Variants in RIMS1 observed in about 807,000 individuals in gnomAD.
RIMS1 encodes regulating synaptic membrane exocytosis 1.
A neutral mutation model predicts 214.1 loss-of-function variants in RIMS1; 83 were observed. The observed-to-expected ratio is 0.39, with a 90% CI of 0.32 to 0.47. RIMS1 has a LOEUF of 0.47. Ranked by LOEUF, RIMS1 falls within the 20% of genes least tolerant of loss-of-function variation. RIMS1 has a pLI of 0.99. For synonymous variants in RIMS1, 793 were observed against 786.8 expected, an observed-to-expected ratio of 1.01 and a Z score of -0.13; for missense variants, 2,050 against 2,161.8, an observed-to-expected ratio of 0.95 and a Z score of 1.03.
Position 72,237,927 on chromosome 6 carries a change from A to G in RIMS1, c.1957+5A>G, listed in dbSNP as rs1242399871. Reference sequence around the variant, plus strand: ...TAGTTGGACACCTAAGAGCAGGTAAAGTTTCTTTTTTTAATATTTAAACAG... The same window carrying G: ...TAGTTGGACACCTAAGAGCAGGTAAGGTTTCTTTTTTTAATATTTAAACAG... On this transcript the variant is annotated splice_donor_5th_base_variant and intron_variant, in intron 9 of 33. Transcript: ENST00000521978. 1.3e-6 allele frequency: 2 copies of G among 1,594,144 alleles called. No homozygotes were observed. Among genetic ancestry groups the G allele is most frequent in the Non-Finnish European group, 1.7e-6 (2 of 1,169,944 alleles).
At chr6:72,317,005 T>C in intron 28 of RIMS1, 13 of 426,408 alleles carry the variant, frequency 3.0e-5, no homozygotes, top group South Asian at 5.5e-5. Flanking sequence ...CTGGGAAGCC[T>C]CCCCCTCCAT....
At chr6:71,914,356 A>T (rs1777754428) in intron 1 of RIMS1, among the ~76,000 whole-genome samples, 1 of 152,110 alleles carries the variant, frequency 6.6e-6, no homozygotes, top group South Asian at 2.1e-4. Context: ...CAAAAAATTT[A>T]AGAGTGGATA....
intron 1 of RIMS1, among the ~76,000 whole-genome samples, chr6:71,961,617 T>C (rs760177933): frequency 6.6e-6 from 1 of 152,172 alleles, no homozygotes; most frequent in Non-Finnish European, 1.5e-5. Context: ...CACCTCTTTC[T>C]CCTTCTGGAG....
At chr6:72,272,235 G>A (rs1168091538) in intron 22 of RIMS1, among the ~76,000 whole-genome samples, 1 of 152,092 alleles carries the variant, frequency 6.6e-6, no homozygotes, top group Non-Finnish European at 1.5e-5. Context: ...GAGAGATAAA[G>A]ATTCTAATTT....
At chr6:72,099,867 A>G (rs1338795312) in intron 3 of RIMS1, 108 bp from the exon 4 acceptor site, 17 of 809,262 alleles carry the variant, frequency 2.1e-5, no homozygotes, top group Non-Finnish European at 3.5e-5. Context: ...ACTTTGAAGA[A>G]ACACATAATT....
intron 29 of RIMS1, among the ~76,000 whole-genome samples, chr6:72,367,905 T>C (rs145371899): frequency 6.6e-6 from 1 of 152,316 alleles, no homozygotes; most frequent in East Asian, 1.9e-4. Flanking sequence ...TATATTTTTT[T>C]ATATTCTGAG....
chr6:72,204,208 A>G (rs928663257), intron 6 of RIMS1, among the ~76,000 whole-genome samples: 1 of 152,220 alleles, frequency 6.6e-6, no homozygotes, highest in South Asian at 2.1e-4. Context: ...ACAGAAACTG[A>G]AAGTCCTGTC....
chr6:71,992,132 G>T (rs1801764955), intron 2 of RIMS1, among the ~76,000 whole-genome samples: 1 of 152,134 alleles, frequency 6.6e-6, no homozygotes, highest in South Asian at 2.1e-4. Flanking sequence ...AGCTAAAAGA[G>T]GTTGAAAGGA....
intron 26 of RIMS1, among the ~76,000 whole-genome samples, chr6:72,299,392 A>G (rs1206646878): frequency 1.3e-4 from 19 of 151,926 alleles, no homozygotes; most frequent in Admixed American, 1.3e-3. Flanking sequence ...GTAAATTATT[A>G]TTTATAGGAA....
intron 19 of RIMS1, chr6:72,262,705 C>A: frequency 1.3e-6 from 1 of 774,386 alleles, no homozygotes; most frequent in Non-Finnish European, 1.6e-6. Flanking sequence ...ATAACCACAA[C>A]TTTATATGGA....
chr6:72,330,944 T>C (rs1413151635), intron 28 of RIMS1, among the ~76,000 whole-genome samples: 2 of 151,428 alleles, frequency 1.3e-5, no homozygotes, highest in East Asian at 3.9e-4. Flanking sequence ...GGACATATAT[T>C]TTTTGAGAAA....
In RIMS1 at chr6:72,163,916, G is replaced by A. The variant is rs537304882; in HGVS notation, c.472-15659G>A. Among the ~76,000 whole-genome samples the A allele has an allele frequency of 2.0e-5, 3 of 152,294 alleles. No homozygotes were observed. In the South Asian group the frequency reaches 6.2e-4, roughly 32 times the overall value. On this transcript the variant is annotated intron_variant, in intron 4 of 33. Transcript: ENST00000521978. ...TGGGAGAACCAATACTGTCTTCCAAGCTGTCAGACAGGGACATTTAAGTCT... is the reference window on the plus strand; with the variant it reads ...TGGGAGAACCAATACTGTCTTCCAAACTGTCAGACAGGGACATTTAAGTCT...
chr6:72,220,803 C>T (rs1374611446), intron 6 of RIMS1, among the ~76,000 whole-genome samples: 1 of 152,054 alleles, frequency 6.6e-6, no homozygotes, highest in African/African-American at 2.4e-5. Context: ...GACTAGGTTT[C>T]TCTTGACAAT....
intron 16 of RIMS1, 89 bp from the exon 17 acceptor site, chr6:72,258,036 G>A (rs2076587975): frequency 8.4e-7 from 1 of 1,184,808 alleles, no homozygotes; most frequent in Non-Finnish European, 1.2e-6. Context: ...TAGATCAATG[G>A]CTGCTTTAGA....
intron 2 of RIMS1, among the ~76,000 whole-genome samples, chr6:72,036,462 C>G (rs1162648439): frequency 6.6e-6 from 1 of 152,078 alleles, no homozygotes; most frequent in Admixed American, 6.6e-5. Flanking sequence ...ATAGGAGATA[C>G]AAAGACAAGT....
intron 2 of RIMS1, among the ~76,000 whole-genome samples, chr6:72,001,617 G>A (rs190261011): frequency 3.3e-5 from 5 of 152,228 alleles, no homozygotes; most frequent in African/African-American, 1.2e-4. Flanking sequence ...CATAAAGAAG[G>A]ATGGGGGAAA....
chr6:72,266,704 G>T (rs2154176663), intron 22 of RIMS1, among the ~76,000 whole-genome samples: 1 of 152,130 alleles, frequency 6.6e-6, no homozygotes, highest in East Asian at 1.9e-4. Context: ...CATTGATGTT[G>T]TGTTACACTA....
At chr6:72,004,851 C>A (rs1160352039) in intron 2 of RIMS1, among the ~76,000 whole-genome samples, 1 of 151,790 alleles carries the variant, frequency 6.6e-6, no homozygotes, top group Non-Finnish European at 1.5e-5. Flanking sequence ...GTTTCTTTTG[C>A]TGTGCAGAAG....
At chr6:72,257,707 T>C (rs949104766) in intron 16 of RIMS1, among the ~76,000 whole-genome samples, 3 of 152,124 alleles carry the variant, frequency 2.0e-5, no homozygotes. Context: ...AGAATAAAAA[T>C]CGAAATGAAG....
Sources: gnomAD v4.1 joint callset for allele counts (sites outside exome capture counted in the v4.1 genomes callset) on GRCh38, gnomAD v4.1.1 for gene constraint, MANE v1.5 for transcripts, NCBI Gene and HGNC (gene_info 2026-07-23, HGNC 2026-07-21) for gene names.